RAP1GDS1: variants seen among roughly 807,000 people sequenced by gnomAD.
RAP1GDS1 encodes RAP1, GTP-GDP dissociation stimulator 1.
In RAP1GDS1, 35 loss-of-function variants were observed where a neutral mutation model predicts 71.1. The ratio of observed to expected loss-of-function variants is 0.49; its 90% CI spans 0.38 to 0.65. The LOEUF (loss-of-function observed/expected upper bound fraction) is 0.65, where lower values mean the gene tolerates loss of function less well. Among genes scored for constraint, RAP1GDS1 ranks in the 30% least tolerant of loss-of-function variants. RAP1GDS1 has a pLI of 0.00. For synonymous variants in RAP1GDS1, 229 were observed against 243.1 expected, an observed-to-expected ratio of 0.94 and a Z score of 0.54; for missense variants, 663 against 706.1, an observed-to-expected ratio of 0.94 and a Z score of 0.69.
rs570999355 is a variant in RAP1GDS1 at position 98,270,036 on chromosome 4, G to A, written c.4+8467G>A. Reference sequence around the variant, plus strand: ...AGTCTGGTAACTACAAGATCAAAGTGCCTGCAGGTTTGGTCTTTGGTTTCA... The same window carrying A: ...AGTCTGGTAACTACAAGATCAAAGTACCTGCAGGTTTGGTCTTTGGTTTCA... On this transcript the variant is annotated intron_variant, in intron 1 of 14. Coordinates refer to ENST00000408927, the MANE Select transcript of RAP1GDS1 (RefSeq NM_001100427.2). Among the ~76,000 whole-genome samples the A allele has an allele frequency of 3.3e-5, 5 of 152,316 alleles. No homozygotes were observed. The South Asian group carries it at 1.0e-3, about 32-fold the overall frequency.
intron 2 of RAP1GDS1, among the ~76,000 whole-genome samples, chr4:98,308,277 C>CT (rs1729654823): frequency 2.3e-5 from 3 of 128,790 alleles, no homozygotes; most frequent in Admixed American, 1.7e-4. Flanking sequence ...CACCCACACA[C>CT]ATATATATAC....
chr4:98,290,684 CAG>C (rs1726792740), intron 1 of RAP1GDS1, among the ~76,000 whole-genome samples: 1 of 152,076 alleles, frequency 6.6e-6, no homozygotes, highest in Non-Finnish European at 1.5e-5. Flanking sequence ...TTGTCTTTAA[CAG>C]AGACTTTTGA....
intron 1 of RAP1GDS1, among the ~76,000 whole-genome samples, chr4:98,262,427 A>C (rs1214221491): frequency 6.6e-6 from 1 of 152,242 alleles, no homozygotes; most frequent in Non-Finnish European, 1.5e-5. Context: ...GAGATTTAAG[A>C]GCAAATATGT....
intron 2 of RAP1GDS1, among the ~76,000 whole-genome samples, chr4:98,308,551 G>C (rs1366645271): frequency 2.0e-5 from 3 of 151,688 alleles, no homozygotes; most frequent in Non-Finnish European, 4.4e-5. Context: ...TTAATGTGTT[G>C]AAAGTAGTCT....
At chr4:98,346,837 C>T (rs1281947328) in intron 3 of RAP1GDS1, among the ~76,000 whole-genome samples, 1 of 152,170 alleles carries the variant, frequency 6.6e-6, no homozygotes, top group Non-Finnish European at 1.5e-5. Flanking sequence ...AGCCACTGCG[C>T]CCGGCCAGTA....
intron 3 of RAP1GDS1, among the ~76,000 whole-genome samples, chr4:98,345,679 G>A (rs1478498808): frequency 6.6e-6 from 1 of 152,070 alleles, no homozygotes; most frequent in Admixed American, 6.6e-5. Context: ...TAAGTGTTGT[G>A]TACATTATTT....
intron 7 of RAP1GDS1, among the ~76,000 whole-genome samples, chr4:98,410,831 G>C (rs531404548): frequency 3.3e-5 from 5 of 152,192 alleles, no homozygotes; most frequent in Non-Finnish European, 7.4e-5. Flanking sequence ...TTATTTACTT[G>C]GTAAAATGAT....
At chr4:98,318,199 T>C (rs536412117) in intron 2 of RAP1GDS1, among the ~76,000 whole-genome samples, 1 of 152,246 alleles carries the variant, frequency 6.6e-6, no homozygotes, top group East Asian at 1.9e-4. Context: ...ATATCTTGCT[T>C]AGTCTAGCTT....
chr4:98,268,181 T>C (rs1246939736), intron 1 of RAP1GDS1, among the ~76,000 whole-genome samples: 1 of 152,148 alleles, frequency 6.6e-6, no homozygotes, highest in South Asian at 2.1e-4. Context: ...AATCAATAAA[T>C]GTGATACACC....
chr4:98,343,258 A>G lies in RAP1GDS1; in HGVS notation c.232A>G (p.Asn78Asp). The G allele has an allele frequency of 6.2e-7, 1 of 1,602,484 alleles. No homozygotes were observed. The highest frequency in any genetic ancestry group is 8.6e-7 in the Non-Finnish European group (1 of 1,169,498). ...TAACATCATAGCAGAAGTAGCCAAA[A>G]ATGGTGAGGTTTACCTCAAGAACTT... ...VANIIAEVAK[N>D]EFMRIPCVDA... is the part of the protein sequence containing the mutation. Residue 78 changes from asparagine (N) to aspartate (D), a missense_variant, in exon 3 of 15, where the codon AAT becomes GAT. Physicochemically the swap from Asn to Asp is conservative, Grantham distance 23. Coordinates refer to ENST00000408927, the MANE Select transcript of RAP1GDS1 (RefSeq NM_001100427.2).
chr4:98,390,147 G>A (rs912884430), intron 5 of RAP1GDS1, among the ~76,000 whole-genome samples: 6 of 152,060 alleles, frequency 3.9e-5, no homozygotes, highest in African/African-American at 2.4e-5. Context: ...CTATCTACTG[G>A]TAAGTAACCT....
At chr4:98,373,208 T>C (rs1740654269) in intron 4 of RAP1GDS1, among the ~76,000 whole-genome samples, 1 of 152,256 alleles carries the variant, frequency 6.6e-6, no homozygotes, top group Non-Finnish European at 1.5e-5. Context: ...TTAACCTTAC[T>C]TACTGGAAGA....
chr4:98,435,672 T>G (rs548646645), intron 13 of RAP1GDS1, among the ~76,000 whole-genome samples: 1 of 152,294 alleles, frequency 6.6e-6, no homozygotes, highest in East Asian at 1.9e-4. Context: ...TTTGGTGAAA[T>G]GCTGATTTTT....
At chr4:98,266,122 A>T (rs1050677444) in intron 1 of RAP1GDS1, among the ~76,000 whole-genome samples, 5 of 152,146 alleles carry the variant, frequency 3.3e-5, no homozygotes, top group Admixed American at 2.0e-4. Context: ...TTTACAAATT[A>T]AAAAAATTAT....
intron 4 of RAP1GDS1, among the ~76,000 whole-genome samples, chr4:98,367,642 T>C (rs911894807): frequency 2.0e-5 from 3 of 152,210 alleles, no homozygotes; most frequent in Non-Finnish European, 4.4e-5. Flanking sequence ...CATGGGAACC[T>C]ACCTCTTGCA....
At chr4:98,288,226 C>T (rs1030593640) in intron 1 of RAP1GDS1, among the ~76,000 whole-genome samples, 2 of 152,142 alleles carry the variant, frequency 1.3e-5, no homozygotes, top group African/African-American at 4.8e-5. Flanking sequence ...GTTCCCCTTC[C>T]TGTGTCCATG....
chr4:98,383,846 T>C (rs1742351165), intron 5 of RAP1GDS1, among the ~76,000 whole-genome samples: 1 of 151,616 alleles, frequency 6.6e-6, no homozygotes. Flanking sequence ...TTTATCCTTA[T>C]GTTTCAGTAT....
At chr4:98,324,170 A>G (rs1360068312) in intron 2 of RAP1GDS1, among the ~76,000 whole-genome samples, 1 of 145,374 alleles carries the variant, frequency 6.9e-6, no homozygotes, top group South Asian at 2.3e-4. Context: ...CCCATTCACA[A>G]TTGCTTCAAA....
rs147740860 is a variant in RAP1GDS1, at chr4:98,376,146, G to A, written c.362-2871G>A. 3.8e-3 allele frequency among the ~76,000 whole-genome samples: 579 copies of A among 152,180 alleles called. 4 individuals are homozygous for A. The highest frequency in any genetic ancestry group is 0.013 in the African/African-American group (549 of 41,544). ...AAGATCATCATTAAAGGATTTAATA[G>A]GACTTTAAAGAGTGGGCTGCACTTT... On this transcript the variant is annotated intron_variant, in intron 4 of 14. Coordinates refer to ENST00000408927, the MANE Select transcript of RAP1GDS1 (RefSeq NM_001100427.2).
Sources: allele counts gnomAD v4.1 joint callset (sites outside exome capture counted in the v4.1 genomes callset), GRCh38; gene constraint gnomAD v4.1.1; transcripts MANE v1.5; gene names NCBI Gene and HGNC (gene_info 2026-07-23, HGNC 2026-07-21).